Variants in EOGT observed in about 807,000 individuals in gnomAD.
EOGT encodes EGF domain-specific O-linked N-acetylglucosamine transferase.
EOGT carries 55 observed loss-of-function variants against 70.5 expected under a neutral mutation model. The ratio of observed to expected loss-of-function variants is 0.78; its 90% CI spans 0.63 to 0.98. The LOEUF (loss-of-function observed/expected upper bound fraction) is 0.98, where lower values mean the gene tolerates loss of function less well. Ranked by LOEUF, EOGT falls within the 50% of genes least tolerant of loss-of-function variation. The pLI, the probability that EOGT is intolerant of heterozygous loss-of-function variation, is 0.00. For missense variants in EOGT, 703 were observed against 641.9 expected (o/e 1.10, Z -1.03); for synonymous variants, 246 against 217.1 (o/e 1.13, Z -1.17).
In EOGT at chr3:68,989,025, T is replaced by A; in HGVS notation, c.832-8A>T. 1 of 1,489,844 alleles carries A rather than the reference T, an allele frequency of 6.7e-7. No homozygotes were observed. The allele number at this position is 1,489,844 out of a possible 1,614,324, so 92.3% of individuals were successfully genotyped here. ...ACCATATCCGTAAGAACTCTGAAAGTAGAAACAAAACAAGGTTTTAGGGCA... is the reference window on the plus strand; with the variant it reads ...ACCATATCCGTAAGAACTCTGAAAGAAGAAACAAAACAAGGTTTTAGGGCA... On this transcript the variant is annotated splice_region_variant and splice_polypyrimidine_tract_variant and intron_variant, in intron 10 of 17. Transcript: ENST00000383701.
chr3:69,003,134 G>T (rs188350820), intron 8 of EOGT, among the ~76,000 whole-genome samples: 2 of 151,804 alleles, frequency 1.3e-5, no homozygotes, highest in South Asian at 4.2e-4. Flanking sequence ...CTACATACCC[G>T]CACCTACACA....
In EOGT at chr3:68,988,562, C is replaced by T. The variant is rs894090748; in HGVS notation, c.940G>A (p.Ala314Thr). 9 of 1,531,766 alleles carry T rather than the reference C, an allele frequency of 5.9e-6. No individual in the cohort carries two copies. The African/African-American group carries it at 1.1e-4, about 19-fold the overall frequency. 94.9% of individuals were successfully genotyped at this position (1,531,766 alleles called of 1,614,324 possible). A position where few individuals can be genotyped will look rare whatever the true frequency, so the allele number is the denominator to read the frequency against. Residue 314 changes from alanine to threonine, a missense_variant, in exon 12 of 18, where the codon GCT (alanine) becomes ACT (threonine). By Grantham distance (58) the Ala-to-Thr change is moderately conservative (BLOSUM62 0). Transcript: ENST00000383701. The stretch of plus-strand genomic sequence containing the variant: ...ATGCGGGGGAGTAATGAAAAAACAG[C>T]TTCTTTAAAACATACCTAAGAACAA... Reference protein sequence around the residue: ...YDSKRVCFKEAVFSLLPRMRY... With the variant: ...YDSKRVCFKETVFSLLPRMRY...
chr3:69,001,068 C>T (rs935989009), intron 9 of EOGT, among the ~76,000 whole-genome samples: 7 of 151,944 alleles, frequency 4.6e-5, no homozygotes, highest in South Asian at 2.1e-4. Flanking sequence ...GCGATTCCCC[C>T]GCTTCAACCT....
rs11417320 is a variant in EOGT at position 69,005,115 on chromosome 3, A to AT, written c.515+24dup. On this transcript the variant is annotated intron_variant, in intron 7 of 17. Transcript: ENST00000383701. Reference sequence around the variant, plus strand: ...GAAAATATTTCAGAATTTATACTAGATGTTAACATTAACCACTAAAGTACC... The same window carrying AT: ...GAAAATATTTCAGAATTTATACTAGATTGTTAACATTAACCACTAAAGTACC... The AT allele has an allele frequency of 0.29, 356,779 of 1,210,656 alleles. 58,271 individuals are homozygous for AT. Among genetic ancestry groups the AT allele is most frequent in the East Asian group, 0.51 (21,962 of 42,766 alleles). 75.0% of individuals were successfully genotyped at this position (1,210,656 alleles called of 1,614,324 possible). A position where few individuals can be genotyped will look rare whatever the true frequency, so the allele number is the denominator to read the frequency against.
chr3:68,990,599 C>T (rs1449888199), intron 10 of EOGT, among the ~76,000 whole-genome samples: 1 of 152,148 alleles, frequency 6.6e-6, no homozygotes, highest in East Asian at 1.9e-4. Context: ...AGTGCTCCGC[C>T]TACCACGGCC....
At chr3:68,991,429 T>C (rs1458610930) in intron 10 of EOGT, among the ~76,000 whole-genome samples, 3 of 152,232 alleles carry the variant, frequency 2.0e-5, no homozygotes. Context: ...TATGGTCACA[T>C]TTCAGTAAAT....
Position 68,977,198 on chromosome 3 carries a change from A to C in EOGT, c.*420T>G. The C allele has an allele frequency of 6.0e-6, 1 of 167,370 alleles. No individual in the cohort carries two copies. The highest frequency in any genetic ancestry group is 1.3e-5 in the Non-Finnish European group (1 of 79,098). The allele number at this position is 167,370 out of a possible 1,614,324, so 10.4% of individuals were successfully genotyped here. A position where few individuals can be genotyped will look rare whatever the true frequency, so the allele number is the denominator to read the frequency against. On this transcript the variant is annotated 3_prime_UTR_variant, in exon 18 of 18. Transcript: ENST00000383701. Reference sequence around the variant, plus strand: ...AAAATTTAGCCAGGTGTGGTGGTGCAGGCTGCAATCCCAGCTAGTCAGGTG... The same window carrying C: ...AAAATTTAGCCAGGTGTGGTGGTGCCGGCTGCAATCCCAGCTAGTCAGGTG...
chr3:68,987,445 C>T lies in EOGT; in HGVS notation c.1152G>A (p.Glu384=), dbSNP rs573156239. 1.2e-6 allele frequency: 2 copies of T among 1,610,746 alleles called. No homozygotes were observed. The highest frequency in any genetic ancestry group is 1.3e-5 in the African/African-American group (1 of 74,856). The change falls in exon 14 of 18, where the codon GAG becomes GAA. Residue 384 remains glutamate (E), a splice_region_variant and synonymous_variant. Transcript: ENST00000383701. ...TEYRKILNQN[E]LVNALKTVST... ...TTAAAAATGCATACCAAAAACTAAC[C>T]TCATTTTGGTTAAGGATTTTCCGGT... is the stretch of plus-strand genomic sequence containing the variant.
chr3:68,990,824 ATTC>A (rs918326912), intron 10 of EOGT, among the ~76,000 whole-genome samples: 3 of 151,582 alleles, frequency 2.0e-5, no homozygotes, highest in Non-Finnish European at 2.9e-5. Context: ...TTTTTATAGC[ATTC>A]TTTTCTCAGA....
chr3:68,985,930 GA>G (rs2090793088), intron 14 of EOGT, among the ~76,000 whole-genome samples: 1 of 152,120 alleles, frequency 6.6e-6, no homozygotes, highest in Admixed American at 6.6e-5. Context: ...CAGGCTCCAG[GA>G]AAGAACCCAC....
intron 1 of EOGT, among the ~76,000 whole-genome samples, chr3:69,013,230 C>T (rs942733386): frequency 6.6e-6 from 1 of 151,750 alleles, no homozygotes; most frequent in Admixed American, 6.6e-5. Flanking sequence ...CGCCACCGTG[C>T]ACCGCGGCGC....
rs1161893358 is a variant in EOGT, at chr3:68,988,477, T to C, written c.996+29A>G. 6 of 1,503,982 alleles carry C rather than the reference T, an allele frequency of 4.0e-6. No individual in the cohort carries two copies. The African/African-American group carries it at 4.2e-5, about 10-fold the overall frequency. The allele number at this position is 1,503,982 out of a possible 1,614,324, so 93.2% of individuals were successfully genotyped here. ...TGTATAAATGTTATGTCTGTAAATA[T>C]GAATGCTAATGGTAGACAATGTGCT... On this transcript the variant is annotated intron_variant, in intron 12 of 17. Transcript: ENST00000383701.
chr3:68,975,304 T>C lies in EOGT; in HGVS notation c.*2314A>G, dbSNP rs1232174479. 6.6e-6 allele frequency: 1 copy of C among 152,606 alleles called. No homozygotes were observed. The highest frequency in any genetic ancestry group is 1.5e-5 in the Non-Finnish European group (1 of 68,028). 9.5% of individuals were successfully genotyped at this position (152,606 alleles called of 1,614,324 possible). A position where few individuals can be genotyped will look rare whatever the true frequency, so the allele number is the denominator to read the frequency against. On this transcript the variant is annotated 3_prime_UTR_variant, in exon 18 of 18. Coordinates refer to ENST00000383701, the MANE Select transcript of EOGT (RefSeq NM_001278689.2). ...AAATACATCCCTGTTAAAGACTTAA[T>C]AAAAAGAGCAATCTTTACATTTTAC...
rs2090685601 is a variant in EOGT at position 68,982,753 on chromosome 3, C to T, written c.1214+58G>A. On this transcript the variant is annotated intron_variant, in intron 15 of 17. Coordinates refer to ENST00000383701, the MANE Select transcript of EOGT (RefSeq NM_001278689.2). Reference sequence around the variant, plus strand: ...CCCACTGGAAAAATGCTTTCTAGCCCCCTTGACCTCATCCAAGCAAAAGTT... The same window carrying T: ...CCCACTGGAAAAATGCTTTCTAGCCTCCTTGACCTCATCCAAGCAAAAGTT... 7 of 1,345,244 alleles carry T rather than the reference C, an allele frequency of 5.2e-6. No individual in the cohort carries two copies. In the South Asian group the frequency reaches 9.3e-5, roughly 18 times the overall value. 83.3% of individuals were successfully genotyped at this position (1,345,244 alleles called of 1,614,324 possible).
intron 14 of EOGT, among the ~76,000 whole-genome samples, chr3:68,984,961 C>T (rs777137731): frequency 2.6e-5 from 4 of 152,106 alleles, no homozygotes; most frequent in East Asian, 3.9e-4. Flanking sequence ...CTCACGCCCC[C>T]GTTACTCTAA....
intron 14 of EOGT, among the ~76,000 whole-genome samples, chr3:68,984,982 G>C (rs2090762944): frequency 6.6e-6 from 1 of 152,084 alleles, no homozygotes; most frequent in Non-Finnish European, 1.5e-5. Context: ...TCACCAGCCG[G>C]GTGACCTTAG....
intron 9 of EOGT, among the ~76,000 whole-genome samples, chr3:68,999,056 G>A (rs1001781954): frequency 1.3e-5 from 2 of 152,150 alleles, no homozygotes; most frequent in Admixed American, 1.3e-4. Context: ...AGCAATTCTG[G>A]AGAAAGAAGA....
chr3:68,982,824 C>G lies in EOGT; in HGVS notation c.1201G>C (p.Asp401His). 1 of 1,607,100 alleles carries G rather than the reference C, an allele frequency of 6.2e-7. No individual in the cohort carries two copies. Among genetic ancestry groups the G allele is most frequent in the East Asian group, 2.2e-5 (1 of 44,628 alleles). Reference protein sequence around the residue: ...TVSTFEVQIVDYKYRELGFLD... With the variant: ...TVSTFEVQIVHYKYRELGFLD... ...GCTATTACTTACCTATACTTGTAAT[C>G]AACAATCTGGACTTCAAATGTAGAT... Residue 401 changes from aspartate to histidine, a missense_variant, in exon 15 of 18, where the codon GAT becomes CAT. Transcript: ENST00000383701.
chr3:69,008,665 T>C, intron 4 of EOGT, 137 bp from the exon 5 acceptor site: 1 of 643,816 alleles, frequency 1.6e-6, no homozygotes, highest in East Asian at 2.8e-5. Flanking sequence ...ACAATAAATT[T>C]AAAACTTACA....
Sources: gnomAD v4.1 joint callset for allele counts (sites outside exome capture counted in the v4.1 genomes callset) on GRCh38, gnomAD v4.1.1 for gene constraint, MANE v1.5 for transcripts, NCBI Gene and HGNC (gene_info 2026-07-23, HGNC 2026-07-21) for gene names.